The following RIMS2 variants were observed in gnomAD, a reference collection of about 807,000 sequenced individuals.
RIMS2 encodes the protein regulating synaptic membrane exocytosis 2.
Under a neutral mutation model 174.4 loss-of-function variants are expected in RIMS2, and 59 were observed. The observed-to-expected ratio is 0.34, with a 90% CI of 0.27 to 0.42. The LOEUF is 0.42. Among genes scored for constraint, RIMS2 ranks in the 10% least tolerant of loss-of-function variants. The pLI is 1.00. For synonymous variants in RIMS2, 606 were observed against 572.5 expected (o/e 1.06, Z -0.84); for missense variants, 1,620 against 1,666.3 (o/e 0.97, Z 0.48).
rs566465000 is a variant in RIMS2 at position 103,737,298 on chromosome 8, C to T, written c.388-28929C>T. 2.0e-3 allele frequency among the ~76,000 whole-genome samples: 291 copies of T among 148,138 alleles called. 2 individuals carry two copies. The highest frequency in any genetic ancestry group is 7.0e-3 in the African/African-American group (281 of 40,288). On this transcript the variant is annotated intron_variant, in intron 2 of 23. Coordinates refer to ENST00000504942, the Ensembl canonical transcript of RIMS2. ...TCCCAGGTTCAAGTGATTCTCCTGC[C>T]TAAGCCTCCTGAGTAGCTGGGATTA...
At chr8:103,787,674 AC>A (rs2098456651) in intron 3 of RIMS2, among the ~76,000 whole-genome samples, 1 of 152,044 alleles carries the variant, frequency 6.6e-6, no homozygotes, top group Admixed American at 6.6e-5. Context: ...TTTGAGGGTA[AC>A]CCGACCTTTC....
chr8:104,093,880 T>A (rs1409817596), intron 19 of RIMS2, among the ~76,000 whole-genome samples: 1 of 152,058 alleles, frequency 6.6e-6, no homozygotes, highest in Non-Finnish European at 1.5e-5. Flanking sequence ...CTGGAAATAA[T>A]ATCTTTTTTC....
At chr8:103,552,390 A>C (rs1366250947) in intron 1 of RIMS2, among the ~76,000 whole-genome samples, 1 of 152,242 alleles carries the variant, frequency 6.6e-6, no homozygotes, top group Non-Finnish European at 1.5e-5. Context: ...AAAACTGGCT[A>C]GCCATATGTA....
chr8:104,123,544 T>A (rs542400501), intron 19 of RIMS2, among the ~76,000 whole-genome samples: 2 of 152,102 alleles, frequency 1.3e-5, no homozygotes, highest in South Asian at 2.1e-4. Flanking sequence ...ACAGTAGACT[T>A]TTTTTAGAAA....
At chr8:103,573,594 A>C (rs907404186) in intron 1 of RIMS2, among the ~76,000 whole-genome samples, 1 of 151,842 alleles carries the variant, frequency 6.6e-6, no homozygotes, top group Admixed American at 6.6e-5. Flanking sequence ...TTTTTGTACC[A>C]TATCGTTTTG....
intron 16 of RIMS2, among the ~76,000 whole-genome samples, chr8:103,987,622 G>A (rs1439623349): frequency 6.6e-6 from 1 of 152,032 alleles, no homozygotes; most frequent in African/African-American, 2.4e-5. Flanking sequence ...TAGTACTTCA[G>A]GTCCTGAAAA....
chr8:104,196,019 A>G (rs1454433628), intron 19 of RIMS2, among the ~76,000 whole-genome samples: 1 of 152,194 alleles, frequency 6.6e-6, no homozygotes, highest in Non-Finnish European at 1.5e-5. Flanking sequence ...TTAAGGAATC[A>G]AAGACCTAAT....
chr8:103,609,451 C>G (rs1478126585), intron 1 of RIMS2, among the ~76,000 whole-genome samples: 1 of 146,780 alleles, frequency 6.8e-6, no homozygotes, highest in Non-Finnish European at 1.5e-5. Context: ...TAAGAATGGT[C>G]TTTCCTAGAC....
At chr8:104,105,922 C>G (rs1321608364) in intron 19 of RIMS2, among the ~76,000 whole-genome samples, 1 of 151,250 alleles carries the variant, frequency 6.6e-6, no homozygotes, top group Non-Finnish European at 1.5e-5. Flanking sequence ...CACCAGTAGT[C>G]CCAGCTACTC....
At chr8:103,555,911 ATTATG>A (rs1850245559) in intron 1 of RIMS2, among the ~76,000 whole-genome samples, 2 of 152,194 alleles carry the variant, frequency 1.3e-5, no homozygotes, top group Admixed American at 6.6e-5. Flanking sequence ...CTCAGAGGAT[ATTATG>A]TTAAGTGAAA....
intron 1 of RIMS2, among the ~76,000 whole-genome samples, chr8:103,582,913 A>T (rs2093696435): frequency 6.6e-6 from 1 of 152,172 alleles, no homozygotes; most frequent in Non-Finnish European, 1.5e-5. Flanking sequence ...CCACCTGCTT[A>T]TTGTAGAGCC....
At chr8:104,061,557 C>T (rs548463041) in intron 19 of RIMS2, among the ~76,000 whole-genome samples, 1 of 151,048 alleles carries the variant, frequency 6.6e-6, no homozygotes, top group Admixed American at 6.6e-5. Flanking sequence ...TAATTGCTAA[C>T]ATTCTGGTGT....
At chr8:103,603,387 C>T (rs2094863670) in intron 1 of RIMS2, among the ~76,000 whole-genome samples, 1 of 149,864 alleles carries the variant, frequency 6.7e-6, no homozygotes, top group Admixed American at 6.6e-5. Flanking sequence ...TTTCTTAATC[C>T]AGTCTATCAT....
At chr8:103,810,694 T>A (rs2098681379) in intron 3 of RIMS2, among the ~76,000 whole-genome samples, 1 of 152,180 alleles carries the variant, frequency 6.6e-6, no homozygotes, top group African/African-American at 2.4e-5. Context: ...ATCCTAATGT[T>A]CTTAAAGCTT....
chr8:104,108,009 A>C (rs191830741), intron 19 of RIMS2, among the ~76,000 whole-genome samples: 1 of 146,276 alleles, frequency 6.8e-6, no homozygotes, highest in Non-Finnish European at 1.5e-5. Context: ...TTCAGAAATC[A>C]GTGGAAATTA....
intron 19 of RIMS2, among the ~76,000 whole-genome samples, chr8:104,082,846 T>C (rs1484425050): frequency 1.3e-5 from 2 of 152,064 alleles, no homozygotes; most frequent in Admixed American, 6.6e-5. Flanking sequence ...TATGGAATGA[T>C]GGGTTTGGAA....
In RIMS2 at chr8:103,529,916, C is replaced by G. The variant is rs189688132; in HGVS notation, c.176+28854C>G. On this transcript the variant is annotated intron_variant, in intron 1 of 23. Transcript: ENST00000504942. ...CTGTGGTTGGTTGAATCTGTGGATG[C>G]AGAACTCATTGCTATGGAAGGCTAA... 9.9e-5 allele frequency among the ~76,000 whole-genome samples: 15 copies of G among 152,238 alleles called. No individual in the cohort carries two copies. The East Asian group carries it at 2.9e-3, about 29-fold the overall frequency.
At chr8:103,824,245 A>G (rs1376449581) in intron 3 of RIMS2, among the ~76,000 whole-genome samples, 1 of 152,134 alleles carries the variant, frequency 6.6e-6, no homozygotes, top group Middle Eastern at 3.2e-3. Context: ...CTATAGTTTT[A>G]AATTATCAAC....
chr8:103,818,146 G>A (rs1029756438), intron 3 of RIMS2, among the ~76,000 whole-genome samples: 1 of 152,036 alleles, frequency 6.6e-6, no homozygotes, highest in African/African-American at 2.4e-5. Flanking sequence ...TTTGTGACAT[G>A]ATTATGCCAA....
Sources: allele counts gnomAD v4.1 joint callset (sites outside exome capture counted in the v4.1 genomes callset), GRCh38; gene constraint gnomAD v4.1.1; transcripts MANE v1.5; gene names NCBI Gene and HGNC (gene_info 2026-07-23, HGNC 2026-07-21).